The following RBFOX1 variants were observed in gnomAD, a reference collection of about 807,000 sequenced individuals.
RBFOX1 encodes the protein RNA binding fox-1 homolog 1.
RBFOX1 carries 8 observed loss-of-function variants against 57.7 expected under a neutral mutation model. The observed-to-expected ratio is 0.14, with a 90% CI of 0.08 to 0.25. RBFOX1 has a LOEUF of 0.25. Among genes scored for constraint, RBFOX1 ranks in the 10% least tolerant of loss-of-function variants. The probability of loss-of-function intolerance (pLI) is 1.00; values close to 1 mark genes in which losing one functional copy is unlikely to be tolerated. For missense variants in RBFOX1, 611 were observed against 548.5 expected, an observed-to-expected ratio of 1.11 and a Z score of -1.14; for synonymous variants, 326 against 222.4, an observed-to-expected ratio of 1.47 and a Z score of -4.15.
intron 1 of RBFOX1, among the ~76,000 whole-genome samples, chr16:6,269,578 T>C (rs1388834951): frequency 6.6e-6 from 1 of 152,154 alleles, no homozygotes; most frequent in Non-Finnish European, 1.5e-5. Context: ...AAATAAGAAA[T>C]GGTGTTTTCC....
intron 3 of RBFOX1, among the ~76,000 whole-genome samples, chr16:6,816,513 G>A (rs547305974): frequency 5.9e-5 from 9 of 151,390 alleles, no homozygotes; most frequent in South Asian, 4.2e-4. Context: ...AAGCCAAGGC[G>A]GACAGATCAC....
intron 2 of RBFOX1, among the ~76,000 whole-genome samples, chr16:5,494,231 C>G (rs2042927106): frequency 6.6e-6 from 1 of 152,204 alleles, no homozygotes; most frequent in Non-Finnish European, 1.5e-5. Context: ...GGATGCTACC[C>G]TCATCCAGAA....
At chr16:6,762,025 T>C (rs1324775766) in intron 3 of RBFOX1, among the ~76,000 whole-genome samples, 2 of 152,112 alleles carry the variant, frequency 1.3e-5, no homozygotes, top group Non-Finnish European at 1.5e-5. Context: ...GGTGCTAAGA[T>C]GAAATATAGT....
At chr16:6,241,802 C>G (rs958932334) in intron 1 of RBFOX1, among the ~76,000 whole-genome samples, 1 of 152,176 alleles carries the variant, frequency 6.6e-6, no homozygotes, top group Admixed American at 6.6e-5. Context: ...CACAAACTCT[C>G]TTAATCAGCT....
At chr16:5,919,622 A>G (rs922352188) in intron 4 of RBFOX1, among the ~76,000 whole-genome samples, 4 of 151,984 alleles carry the variant, frequency 2.6e-5, no homozygotes, top group African/African-American at 9.7e-5. Flanking sequence ...GGGATTATGC[A>G]AATTTTATAT....
chr16:6,607,198 G>T (rs1954738656), intron 2 of RBFOX1, among the ~76,000 whole-genome samples: 1 of 152,122 alleles, frequency 6.6e-6, no homozygotes, highest in Non-Finnish European at 1.5e-5. Context: ...TCTGACTACT[G>T]ATTGGGGACA....
chr16:7,055,268 A>C (rs1254779878), intron 4 of RBFOX1, among the ~76,000 whole-genome samples: 5 of 152,202 alleles, frequency 3.3e-5, no homozygotes, highest in African/African-American at 1.2e-4. Context: ...TTTATAGAAC[A>C]TACTCTTGAG....
chr16:6,739,327 A>C (rs2071357656), intron 3 of RBFOX1, among the ~76,000 whole-genome samples: 2 of 152,260 alleles, frequency 1.3e-5, no homozygotes, highest in African/African-American at 2.4e-5. Context: ...AAGGATAATA[A>C]GAGAGTACTC....
At chr16:6,853,199 T>G (rs1363977871) in intron 3 of RBFOX1, among the ~76,000 whole-genome samples, 1 of 152,194 alleles carries the variant, frequency 6.6e-6, no homozygotes, top group Non-Finnish European at 1.5e-5. Context: ...ATACTGGTGT[T>G]TACCCTTAGG....
intron 3 of RBFOX1, among the ~76,000 whole-genome samples, chr16:7,040,249 G>T (rs955007470): frequency 6.6e-6 from 1 of 151,944 alleles, no homozygotes; most frequent in Admixed American, 6.6e-5. Flanking sequence ...TCGATCTCTT[G>T]ACCTCATGGT....
intron 1 of RBFOX1, chr16:5,261,127 G>A (rs2062721505): frequency 6.6e-6 from 1 of 152,206 alleles, no homozygotes; most frequent in South Asian, 2.1e-4. Flanking sequence ...TTTTAGACCT[G>A]ATTAATTGAC....
In RBFOX1 at chr16:7,087,272, G is replaced by C. The variant is rs574056969; in HGVS notation, c.27+35174G>C. Among the ~76,000 whole-genome samples the C allele has an allele frequency of 2.4e-4, 37 of 152,272 alleles. 1 individual carries two copies. Among genetic ancestry groups the C allele is most frequent in the African/African-American group, 8.7e-4 (36 of 41,546 alleles). ...AGAGTCACCGGCTCTGTGCAGATGG[G>C]CTTGCCTCAAGAGGATCGGCCGCCT... On this transcript the variant is annotated intron_variant, in intron 4 of 15. Coordinates refer to ENST00000550418, the MANE Select transcript of RBFOX1 (RefSeq NM_018723.4).
At chr16:5,321,333 T>C (rs1487470046) in intron 1 of RBFOX1, among the ~76,000 whole-genome samples, 1 of 152,052 alleles carries the variant, frequency 6.6e-6, no homozygotes, top group Non-Finnish European at 1.5e-5. Context: ...TTTGTTTTTT[T>C]TTTTGAGATG....
intron 1 of RBFOX1, among the ~76,000 whole-genome samples, chr16:5,424,883 C>G (rs1443910202): frequency 3.7e-5 from 1 of 27,120 alleles, no homozygotes; most frequent in Non-Finnish European, 8.5e-5. Context: ...TTTTTTCTTT[C>G]TTTCTTTCTT....
chr16:7,004,098 T>C (rs1358478242), intron 3 of RBFOX1: 2 of 152,050 alleles, frequency 1.3e-5, no homozygotes, highest in Non-Finnish European at 2.9e-5. Flanking sequence ...GTATATGTGT[T>C]GCCAATGTGG....
intron 4 of RBFOX1, among the ~76,000 whole-genome samples, chr16:7,336,271 G>C (rs565986887): frequency 2.0e-5 from 3 of 152,324 alleles, no homozygotes; most frequent in African/African-American, 2.4e-5. Context: ...TATTTGGTTA[G>C]TGTTTGGGTC....
chr16:6,785,449 A>G (rs1252625461), intron 3 of RBFOX1, among the ~76,000 whole-genome samples: 4 of 152,162 alleles, frequency 2.6e-5, no homozygotes, highest in South Asian at 2.1e-4. Context: ...CTTAGGAAGA[A>G]TCTAGACTAG....
chr16:6,984,707 C>A (rs1160053538), intron 3 of RBFOX1, among the ~76,000 whole-genome samples: 1 of 152,094 alleles, frequency 6.6e-6, no homozygotes, highest in Non-Finnish European at 1.5e-5. Flanking sequence ...GTGGTGTGAT[C>A]TCTTCTCACT....
At chr16:6,450,761 ATATGTGTATATATATATATATATATATAC>A in intron 2 of RBFOX1, among the ~76,000 whole-genome samples, 1 of 43,000 alleles carries the variant, frequency 2.3e-5, no homozygotes, top group Non-Finnish European at 3.8e-5. Context: ...ATACATATAT[ATATGTGTATATATATATATATATATATAC>A]ATATATATAT....
Sources: gnomAD v4.1 joint callset for allele counts (sites outside exome capture counted in the v4.1 genomes callset) on GRCh38, gnomAD v4.1.1 for gene constraint, MANE v1.5 for transcripts, NCBI Gene and HGNC (gene_info 2026-07-23, HGNC 2026-07-21) for gene names.